The following NAV2 variants were observed in gnomAD, a reference collection of about 807,000 sequenced individuals.
NAV2 encodes helicase, APC down-regulated 1.
NAV2 carries 54 observed loss-of-function variants against 223.2 expected under a neutral mutation model. The observed-to-expected ratio is 0.24, with a 90% CI of 0.19 to 0.30. NAV2 has a LOEUF of 0.30. Among genes scored for constraint, NAV2 ranks in the 10% least tolerant of loss-of-function variants. The pLI, the probability that NAV2 is intolerant of heterozygous loss-of-function variation, is 1.00. For missense variants in NAV2, 2,806 were observed against 3,147.5 expected (o/e 0.89, Z 2.60); for synonymous variants, 1,279 against 1,239.3 (o/e 1.03, Z -0.67).
intron 1 of NAV2, among the ~76,000 whole-genome samples, chr11:19,373,416 G>T (rs1182988796): frequency 6.6e-6 from 1 of 152,052 alleles, no homozygotes; most frequent in Non-Finnish European, 1.5e-5. Context: ...CCTTCTTGCT[G>T]CTCCTTGAAT....
intron 1 of NAV2, among the ~76,000 whole-genome samples, chr11:19,659,331 G>C (rs2048210885): frequency 6.6e-6 from 1 of 152,316 alleles, no homozygotes; most frequent in East Asian, 1.9e-4. Flanking sequence ...GGAGTGTGTG[G>C]TGGGCAAGAA....
At chr11:19,381,859 G>T (rs116931975) in intron 1 of NAV2, among the ~76,000 whole-genome samples, 1 of 152,208 alleles carries the variant, frequency 6.6e-6, no homozygotes, top group Non-Finnish European at 1.5e-5. Flanking sequence ...AACTAATTAG[G>T]TTCCTTTTAG....
intron 1 of NAV2, among the ~76,000 whole-genome samples, chr11:19,827,710 A>AT (rs1400513307): frequency 6.6e-6 from 1 of 152,072 alleles, no homozygotes. Context: ...TATTTTTATT[A>AT]TTTTTTTAAT....
intron 18 of NAV2, among the ~76,000 whole-genome samples, chr11:20,054,538 C>G: frequency 6.6e-6 from 1 of 152,062 alleles, no homozygotes; most frequent in Non-Finnish European, 1.5e-5. Flanking sequence ...GTTTTTGATA[C>G]TGTAATCAAT....
In NAV2 at chr11:19,864,053, G is replaced by C. The variant is rs927483871; in HGVS notation, c.439-4872G>C. Among the ~76,000 whole-genome samples the C allele has an allele frequency of 2.6e-5, 4 of 152,196 alleles. No individual in the cohort carries two copies. In the East Asian group the frequency reaches 7.7e-4, roughly 29 times the overall value. The stretch of plus-strand genomic sequence containing the variant: ...GCTTCCAAAGTCACCAGAACTTGCA[G>C]GTTCTCACTTAGCCTTGCCTGGGGT... On this transcript the variant is annotated intron_variant, in intron 3 of 37. Transcript: ENST00000349880.
intron 8 of NAV2, among the ~76,000 whole-genome samples, chr11:19,942,690 T>G (rs1460442084): frequency 6.6e-6 from 1 of 152,188 alleles, no homozygotes; most frequent in Non-Finnish European, 1.5e-5. Flanking sequence ...AACTCAAAGA[T>G]CTTTGACTTT....
intron 31 of NAV2, 113 bp downstream of exon 31, chr11:20,097,858 C>CT (rs2061383187): frequency 3.3e-6 from 3 of 921,356 alleles, no homozygotes; most frequent in African/African-American, 1.7e-5. Flanking sequence ...TTGTGGGCTG[C>CT]TTGTCTCCCT....
At chr11:19,633,760 A>T (rs1392100733) in intron 1 of NAV2, among the ~76,000 whole-genome samples, 2 of 152,192 alleles carry the variant, frequency 1.3e-5, no homozygotes, top group African/African-American at 4.8e-5. Context: ...GAAATGGGGC[A>T]TGTCTGGCTT....
At chr11:19,875,970 A>T (rs1480619772) in intron 4 of NAV2, among the ~76,000 whole-genome samples, 1 of 152,144 alleles carries the variant, frequency 6.6e-6, no homozygotes, top group Admixed American at 6.6e-5. Context: ...CAGCCAAAAA[A>T]GGGAAGTACA....
intron 1 of NAV2, among the ~76,000 whole-genome samples, chr11:19,471,518 A>T (rs2729879): frequency 1.3e-5 from 2 of 152,008 alleles, no homozygotes; most frequent in Non-Finnish European, 2.9e-5. Flanking sequence ...CTGGTGAAGG[A>T]GGTGCTATTA....
chr11:20,067,582 A>G (rs928089338), intron 20 of NAV2, among the ~76,000 whole-genome samples: 1 of 151,302 alleles, frequency 6.6e-6, no homozygotes, highest in Admixed American at 6.6e-5. Context: ...GGTTCAAGCC[A>G]TTCTCCTGCC....
intron 1 of NAV2, among the ~76,000 whole-genome samples, chr11:19,436,019 C>T (rs775590944): frequency 3.3e-5 from 5 of 151,948 alleles, no homozygotes; most frequent in Non-Finnish European, 5.9e-5. Context: ...GTCTCTGTGT[C>T]GTCTCTTCAT....
chr11:19,661,958 G>A (rs1157422796), intron 1 of NAV2, among the ~76,000 whole-genome samples: 3 of 152,178 alleles, frequency 2.0e-5, no homozygotes, highest in Non-Finnish European at 4.4e-5. Flanking sequence ...CACATTTGAT[G>A]TATATGTCCA....
chr11:20,083,231 C>T, intron 26 of NAV2, 52 bp downstream of exon 26: 1 of 1,496,760 alleles, frequency 6.7e-7, no homozygotes, highest in South Asian at 1.2e-5. Flanking sequence ...AGAACCTTCT[C>T]CAGTAGGAAT....
chr11:19,597,905 C>T (rs921568099), intron 1 of NAV2, among the ~76,000 whole-genome samples: 4 of 152,210 alleles, frequency 2.6e-5, no homozygotes, highest in African/African-American at 9.6e-5. Flanking sequence ...AAATCCTGGG[C>T]CCCTGTCTTG....
intron 6 of NAV2, among the ~76,000 whole-genome samples, chr11:19,912,660 C>T (rs994505366): frequency 1.6e-4 from 24 of 152,302 alleles, no homozygotes; most frequent in South Asian, 1.2e-3. Flanking sequence ...TCCTTATAGG[C>T]ATGTTTCTTC....
At chr11:20,044,932 T>C (rs775303646) in intron 13 of NAV2, 36 bp from the exon 14 acceptor site, 4 of 1,546,092 alleles carry the variant, frequency 2.6e-6, no homozygotes, top group Non-Finnish European at 3.5e-6. Flanking sequence ...AGCTGGCTCT[T>C]GGCTTGCAGG....
chr11:19,905,962 C>T (rs1269901122), intron 6 of NAV2, among the ~76,000 whole-genome samples: 1 of 152,122 alleles, frequency 6.6e-6, no homozygotes, highest in African/African-American at 2.4e-5. Flanking sequence ...CCTTACTCAC[C>T]CCTATCTTCC....
At chr11:19,966,573 G>A (rs936462484) in intron 10 of NAV2, among the ~76,000 whole-genome samples, 4 of 152,084 alleles carry the variant, frequency 2.6e-5, no homozygotes, top group African/African-American at 4.8e-5. Flanking sequence ...AACCACAGAC[G>A]TTTTCCTTGA....
Sources: gnomAD v4.1 joint callset for allele counts (sites outside exome capture counted in the v4.1 genomes callset) on GRCh38, gnomAD v4.1.1 for gene constraint, MANE v1.5 for transcripts, NCBI Gene and HGNC (gene_info 2026-07-23, HGNC 2026-07-21) for gene names.